MAPKAP1: variants seen among roughly 807,000 people sequenced by gnomAD.
MAPKAP1 encodes the protein MAPK associated protein 1.
In MAPKAP1, 20 loss-of-function variants were observed where a neutral mutation model predicts 65.7. That is an observed-to-expected ratio of 0.30 (90% CI 0.21 to 0.44). The LOEUF (loss-of-function observed/expected upper bound fraction) is 0.44, where lower values mean the gene tolerates loss of function less well. Among genes scored for constraint, MAPKAP1 ranks in the 20% least tolerant of loss-of-function variants. The pLI is 1.00. For missense variants in MAPKAP1, 423 were observed against 648.0 expected (o/e 0.65, Z 3.77); for synonymous variants, 222 against 244.3 (o/e 0.91, Z 0.85).
In MAPKAP1 at chr9:125,527,295, T is replaced by A. The variant is rs192065327; in HGVS notation, c.958+15764A>T. 3.7e-3 allele frequency among the ~76,000 whole-genome samples: 570 copies of A among 152,208 alleles called. 2 individuals are homozygous for A. Among genetic ancestry groups the A allele is most frequent in the African/African-American group, 0.013 (528 of 41,534 alleles). On this transcript the variant is annotated intron_variant, in intron 7 of 11. Transcript: ENST00000265960. Reference sequence around the variant, plus strand: ...CTTGGCCAGGCTGGTCTTGAACTCCTGACCTCCTGATCCACCCACCTTGGC... The same window carrying A: ...CTTGGCCAGGCTGGTCTTGAACTCCAGACCTCCTGATCCACCCACCTTGGC...
chr9:125,701,862 C>A (rs1404763528), intron 1 of MAPKAP1, among the ~76,000 whole-genome samples: 2 of 152,174 alleles, frequency 1.3e-5, no homozygotes, highest in East Asian at 3.8e-4. Flanking sequence ...AAAGCATTGA[C>A]CTTGCCACTC....
intron 7 of MAPKAP1, among the ~76,000 whole-genome samples, chr9:125,520,786 C>A (rs982341124): frequency 2.7e-4 from 41 of 152,232 alleles, no homozygotes; most frequent in African/African-American, 9.4e-4. Context: ...CCACCTCCAT[C>A]TGACTCCAAA....
At chr9:125,477,042 T>C (rs1270777222) in intron 9 of MAPKAP1, among the ~76,000 whole-genome samples, 1 of 152,214 alleles carries the variant, frequency 6.6e-6, no homozygotes, top group Non-Finnish European at 1.5e-5. Flanking sequence ...AGAACTACCA[T>C]AATCACAAGT....
intron 4 of MAPKAP1, among the ~76,000 whole-genome samples, chr9:125,591,543 C>T (rs183943736): frequency 3.9e-5 from 6 of 152,250 alleles, no homozygotes; most frequent in Non-Finnish European, 5.9e-5. Flanking sequence ...CAAAAACTAT[C>T]GGAATGAATA....
chr9:125,616,194 A>G (rs1473398741), intron 4 of MAPKAP1, among the ~76,000 whole-genome samples: 1 of 152,202 alleles, frequency 6.6e-6, no homozygotes, highest in Non-Finnish European at 1.5e-5. Flanking sequence ...AACAGAAATC[A>G]GACCTCTACC....
At chr9:125,612,123 TTC>T (rs1195854147) in intron 4 of MAPKAP1, among the ~76,000 whole-genome samples, 14 of 152,334 alleles carry the variant, frequency 9.2e-5, no homozygotes, top group African/African-American at 1.9e-4. Context: ...ATTTTCTGAT[TTC>T]TGTTATTTTT....
intron 10 of MAPKAP1, among the ~76,000 whole-genome samples, chr9:125,458,983 T>G (rs1318165511): frequency 1.3e-5 from 1 of 77,290 alleles, no homozygotes; most frequent in African/African-American, 5.6e-5. Context: ...CCAGACGGGG[T>G]GGCTGCCGGG....
chr9:125,536,435 G>A (rs1405751489), intron 7 of MAPKAP1, among the ~76,000 whole-genome samples: 1 of 152,168 alleles, frequency 6.6e-6, no homozygotes, highest in Non-Finnish European at 1.5e-5. Context: ...ATAGGTCACT[G>A]GATATAGAGT....
Position 125,484,453 on chromosome 9 carries a change from G to T in MAPKAP1, c.1197C>A (p.Asp399Glu). The T allele has an allele frequency of 6.2e-7, 1 of 1,610,778 alleles. No individual in the cohort carries two copies. The highest frequency in any genetic ancestry group is 8.5e-7 in the Non-Finnish European group (1 of 1,178,456). The change falls in exon 9 of 12, where the codon GAC becomes GAA. Residue 399 changes from aspartate to glutamate, a missense_variant. By Grantham distance (45) the Asp-to-Glu change is conservative. This residue lies in a region of MAPKAP1 where 185 missense variants were observed against 268.1 expected (regional missense o/e 0.69). Coordinates refer to ENST00000265960, the MANE Select transcript of MAPKAP1 (RefSeq NM_001006617.3). ...TGCTCACACACTTACCTAGCTGTAC[G>T]TCGGTTGTGAATCGCAGTCTGTGGA... The part of the protein sequence containing the change: ...SMIHRLRFTT[D>E]VQLGISGDKV...
chr9:125,516,631 T>C (rs1260091193), intron 7 of MAPKAP1, among the ~76,000 whole-genome samples: 1 of 152,218 alleles, frequency 6.6e-6, no homozygotes, highest in Non-Finnish European at 1.5e-5. Context: ...TTTTACAATC[T>C]CTATTGCTGC....
intron 4 of MAPKAP1, among the ~76,000 whole-genome samples, chr9:125,640,686 T>A (rs1331332570): frequency 2.6e-5 from 4 of 152,222 alleles, no homozygotes; most frequent in Non-Finnish European, 5.9e-5. Context: ...CTAGTTAATT[T>A]AGCCTCAGAA....
chr9:125,453,686 C>CT (rs1286413080), intron 10 of MAPKAP1, among the ~76,000 whole-genome samples: 1 of 152,182 alleles, frequency 6.6e-6, no homozygotes, highest in African/African-American at 2.4e-5. Context: ...CATTTTGAAT[C>CT]TTTCCCCTTG....
At chr9:125,566,574 G>C (rs1205242501) in intron 5 of MAPKAP1, among the ~76,000 whole-genome samples, 1 of 122,904 alleles carries the variant, frequency 8.1e-6, no homozygotes, top group Non-Finnish European at 1.6e-5. Flanking sequence ...AAAAGAAAAA[G>C]AAAAAGAAAA....
intron 4 of MAPKAP1, among the ~76,000 whole-genome samples, chr9:125,624,596 G>C (rs1415479696): frequency 6.0e-5 from 3 of 50,220 alleles, no homozygotes; most frequent in Admixed American, 2.0e-4. Flanking sequence ...CAGCCGCCCC[G>C]TCCGGGAGGG....
intron 1 of MAPKAP1, among the ~76,000 whole-genome samples, chr9:125,698,283 AT>A (rs1835455717): frequency 3.5e-4 from 9 of 25,940 alleles, no homozygotes; most frequent in Middle Eastern, 0.018. Context: ...TACATAATAT[AT>A]ATAAATATAT....
At chr9:125,548,398 A>G (rs1830491142) in intron 6 of MAPKAP1, among the ~76,000 whole-genome samples, 3 of 152,232 alleles carry the variant, frequency 2.0e-5, no homozygotes, top group African/African-American at 7.2e-5. Context: ...AGTGGGGATG[A>G]TGTCTCAAAA....
rs35867576 is a variant in MAPKAP1, at chr9:125,503,880, CTTTTTTTTTTTTTTTT to C, written c.1066+2414_1066+2429del. Among the ~76,000 whole-genome samples, 33 of 66,250 alleles carry C rather than the reference CTTTTTTTTTTTTTTTT, an allele frequency of 5.0e-4. 1 individual carries two copies. In the East Asian group the frequency reaches 5.2e-3, roughly 10 times the overall value. 43.5% of individuals were successfully genotyped at this position (66,250 alleles called of 152,430 possible). On this transcript the variant is annotated intron_variant, in intron 8 of 11. Transcript: ENST00000265960. ...TATAGGCACCCGCCACCACGCTTGG[CTTTTTTTTTTTTTTTT>C]TTTTTTTTTTTTGTATTTTTGGTAG...
At chr9:125,473,460 G>A (rs994139640) in intron 9 of MAPKAP1, among the ~76,000 whole-genome samples, 2 of 152,156 alleles carry the variant, frequency 1.3e-5, no homozygotes, top group African/African-American at 4.8e-5. Context: ...AACTGTCAAA[G>A]GCAGAAAACA....
chr9:125,560,365 C>T (rs1451305624), intron 5 of MAPKAP1, among the ~76,000 whole-genome samples: 11 of 152,046 alleles, frequency 7.2e-5, no homozygotes, highest in African/African-American at 1.9e-4. Flanking sequence ...GCAGGCAGAT[C>T]GCTTGATCCC....
Sources: allele counts gnomAD v4.1 joint callset (sites outside exome capture counted in the v4.1 genomes callset), GRCh38; gene constraint gnomAD v4.1.1; regional missense constraint gnomAD v4.1.1; transcripts MANE v1.5; gene names NCBI Gene and HGNC (gene_info 2026-07-23, HGNC 2026-07-21).